ERC2: variants seen among roughly 807,000 people sequenced by gnomAD.
The protein encoded by ERC2 is ELKS/RAB6-interacting/CAST family member 2, also known as ERC protein 2.
Under a neutral mutation model 114.8 loss-of-function variants are expected in ERC2, and 42 were observed. The observed-to-expected ratio is 0.37, with a 90% CI of 0.29 to 0.47. ERC2 has a LOEUF of 0.47. ERC2 is among the 20% of genes least tolerant of loss of function. The pLI, the probability that ERC2 is intolerant of heterozygous loss-of-function variation, is 0.99. For synonymous variants in ERC2, 454 were observed against 425.5 expected (o/e 1.07, Z -0.82); for missense variants, 939 against 1,150.7 (o/e 0.82, Z 2.66).
At chr3:55,830,513 T>C (rs1311588026) in intron 14 of ERC2, among the ~76,000 whole-genome samples, 1 of 152,216 alleles carries the variant, frequency 6.6e-6, no homozygotes, top group East Asian at 1.9e-4. Flanking sequence ...ACATATATAA[T>C]ACATTTGACA....
chr3:55,735,721 G>A (rs1575431996), intron 14 of ERC2, among the ~76,000 whole-genome samples: 1 of 152,046 alleles, frequency 6.6e-6, no homozygotes, highest in East Asian at 1.9e-4. Context: ...TAGATACTCT[G>A]CGAAAACCCC....
At chr3:56,379,221 A>G (rs1476670381) in intron 2 of ERC2, among the ~76,000 whole-genome samples, 1 of 152,192 alleles carries the variant, frequency 6.6e-6, no homozygotes. Context: ...TAAGTATACC[A>G]TACTGGACAG....
At chr3:55,927,306 A>T (rs2065805063) in intron 13 of ERC2, among the ~76,000 whole-genome samples, 1 of 152,222 alleles carries the variant, frequency 6.6e-6, no homozygotes, top group Non-Finnish European at 1.5e-5. Context: ...GCAGAATCTC[A>T]GGGTAACTTC....
At chr3:56,005,199 C>T (rs904786694) in intron 10 of ERC2, among the ~76,000 whole-genome samples, 3 of 152,012 alleles carry the variant, frequency 2.0e-5, no homozygotes. Context: ...TATGTATATA[C>T]TTAGAAATAA....
At chr3:55,829,122 C>A (rs2060462123) in intron 14 of ERC2, among the ~76,000 whole-genome samples, 1 of 152,000 alleles carries the variant, frequency 6.6e-6, no homozygotes, top group African/African-American at 2.4e-5. Context: ...CAGAGCAAGA[C>A]CCTCTCTCAA....
intron 17 of ERC2, among the ~76,000 whole-genome samples, chr3:55,535,967 C>A (rs540492054): frequency 6.6e-6 from 1 of 152,246 alleles, no homozygotes; most frequent in African/African-American, 2.4e-5. Flanking sequence ...CCACTGCACT[C>A]CAGCCTGGGC....
At chr3:56,191,159 GAAGAGA>G in intron 3 of ERC2, among the ~76,000 whole-genome samples, 1 of 152,186 alleles carries the variant, frequency 6.6e-6, no homozygotes, top group South Asian at 2.1e-4. Context: ...GGAGGCCCTG[GAAGAGA>G]CCTTGCTAGG....
intron 17 of ERC2, among the ~76,000 whole-genome samples, chr3:55,535,825 C>T (rs1048454831): frequency 1.3e-5 from 2 of 152,160 alleles, no homozygotes; most frequent in African/African-American, 4.8e-5. Context: ...GAAATTCTGT[C>T]TCTACTAAAA....
chr3:55,938,083 T>TC (rs1576280831), intron 13 of ERC2, among the ~76,000 whole-genome samples: 21 of 152,176 alleles, frequency 1.4e-4, no homozygotes, highest in African/African-American at 4.1e-4. Flanking sequence ...TGTCTTATGA[T>TC]TAGGTCTTCA....
chr3:55,528,068 A>C (rs535041549), intron 17 of ERC2, among the ~76,000 whole-genome samples: 9 of 152,338 alleles, frequency 5.9e-5, no homozygotes, highest in African/African-American at 2.2e-4. Context: ...CATAAGCAGC[A>C]CTGATATTAA....
intron 13 of ERC2, among the ~76,000 whole-genome samples, chr3:55,919,136 T>C (rs1222068540): frequency 6.6e-6 from 1 of 152,170 alleles, no homozygotes; most frequent in Non-Finnish European, 1.5e-5. Flanking sequence ...CCTAACACTT[T>C]GGGTGGCCAA....
intron 1 of ERC2, among the ~76,000 whole-genome samples, chr3:56,451,045 T>G (rs1022310218): frequency 5.9e-5 from 9 of 152,202 alleles, no homozygotes; most frequent in Non-Finnish European, 1.2e-4. Flanking sequence ...GATTCGTTTT[T>G]TAAACATCTA....
In ERC2 at chr3:55,807,229, C is replaced by T. The variant is rs79621638; in HGVS notation, c.2565-72311G>A. On this transcript the variant is annotated intron_variant, in intron 14 of 17. Coordinates refer to ENST00000288221, the MANE Select transcript of ERC2 (RefSeq NM_015576.3). ...CACTAGAGTAAAAGTTTCTCTTCTT[C>T]CTAGGTACTTGGCTCCTTGTTTAGA... 4.9e-3 allele frequency among the ~76,000 whole-genome samples: 744 copies of T among 152,288 alleles called. 6 individuals are homozygous for T. The highest frequency in any genetic ancestry group is 0.017 in the African/African-American group (704 of 41,566).
chr3:56,156,675 G>A (rs1294731756), intron 4 of ERC2, among the ~76,000 whole-genome samples: 2 of 152,198 alleles, frequency 1.3e-5, no homozygotes, highest in Non-Finnish European at 2.9e-5. Flanking sequence ...AACTGCTTCA[G>A]TTAATGTCAA....
chr3:56,109,269 C>A (rs1264839344), intron 6 of ERC2, among the ~76,000 whole-genome samples: 1 of 151,798 alleles, frequency 6.6e-6, no homozygotes, highest in Non-Finnish European at 1.5e-5. Flanking sequence ...TGAGAACATG[C>A]GGTATTTGAT....
At chr3:56,412,752 A>T (rs1177236862) in intron 2 of ERC2, among the ~76,000 whole-genome samples, 2 of 152,256 alleles carry the variant, frequency 1.3e-5, no homozygotes, top group African/African-American at 4.8e-5. Flanking sequence ...CAGTGTCATT[A>T]TAAGGAGCAA....
chr3:55,626,584 A>G (rs925907969), intron 17 of ERC2, among the ~76,000 whole-genome samples: 6 of 152,264 alleles, frequency 3.9e-5, no homozygotes, highest in Non-Finnish European at 1.5e-5. Flanking sequence ...CAAGCCAGTG[A>G]TTGCTTTTAT....
intron 3 of ERC2, among the ~76,000 whole-genome samples, chr3:56,225,664 C>T (rs1454343229): frequency 6.6e-6 from 1 of 152,184 alleles, no homozygotes; most frequent in Non-Finnish European, 1.5e-5. Context: ...TTGTCTAACA[C>T]CTTCTTACTA....
chr3:55,675,903 C>CTTTTTTTTTTTTT lies in ERC2; in HGVS notation c.*39+7878_*39+7890dup, dbSNP rs869296098. Among the ~76,000 whole-genome samples the CTTTTTTTTTTTTT allele has an allele frequency of 3.9e-3, 188 of 47,986 alleles. 29 individuals carry two copies. Among genetic ancestry groups the CTTTTTTTTTTTTT allele is most frequent in the Middle Eastern group, 0.042 (2 of 48 alleles). The allele number at this position is 47,986 out of a possible 152,430, so 31.5% of individuals were successfully genotyped here. A position where few individuals can be genotyped will look rare whatever the true frequency, so the allele number is the denominator to read the frequency against. ...TTCCATCTTTCTTTCTCTTTTCTTT[C>CTTTTTTTTTTTTT]TTTTTTTTTTTTTTTTTTTTTTTTT... On this transcript the variant is annotated intron_variant, in intron 17 of 17. Coordinates refer to ENST00000288221, the MANE Select transcript of ERC2 (RefSeq NM_015576.3).
Sources: allele counts gnomAD v4.1 joint callset (sites outside exome capture counted in the v4.1 genomes callset), GRCh38; gene constraint gnomAD v4.1.1; transcripts MANE v1.5; gene names NCBI Gene and HGNC (gene_info 2026-07-23, HGNC 2026-07-21).